Variants in TMSB15B observed in about 807,000 individuals in gnomAD.
TMSB15B encodes the protein thymosin beta 15B.
intron 1 of TMSB15B, among the ~76,000 whole-genome samples, chrX:103,926,519 G>C (rs1556318841): frequency 1.0e-5 from 1 of 97,811 alleles, no homozygotes; most frequent in African/African-American, 3.8e-5. Context: ...GATGGAGCAG[G>C]GGGGATAGGA....
In TMSB15B at chrX:103,928,861, C is replaced by A. The variant is rs1453807606; in HGVS notation, c.-721+9569C>A. 6 of 1,202,878 alleles carry A rather than the reference C, an allele frequency of 5.0e-6. No homozygotes were observed. In the African/African-American group the frequency reaches 1.0e-4, roughly 21 times the overall value. On this transcript the variant is annotated intron_variant, in intron 1 of 3. Coordinates refer to the TMSB15B transcript ENST00000419165. ...CATGCCAAGCCTGTGGGCCTCTGCC[C>A]AGGATGTGTGGAACACTTGGGGCCA... is the stretch of plus-strand genomic sequence containing the variant.
intron 1 of TMSB15B, among the ~76,000 whole-genome samples, chrX:103,937,997 CT>C (rs1209770218): frequency 8.9e-6 from 1 of 111,912 alleles, no homozygotes. Flanking sequence ...GTTTCTTATT[CT>C]TGAGTTCTAA....
intron 1 of TMSB15B, among the ~76,000 whole-genome samples, chrX:103,949,386 A>G (rs1412283273): frequency 8.9e-6 from 1 of 112,283 alleles, no homozygotes; most frequent in Non-Finnish European, 1.9e-5. Flanking sequence ...GCAGAGAGGC[A>G]TGTTAGAAAG....
At chrX:103,953,374 G>A (rs2075043616) in intron 1 of TMSB15B, among the ~76,000 whole-genome samples, 1 of 112,289 alleles carries the variant, frequency 8.9e-6, no homozygotes, top group South Asian at 3.7e-4. Context: ...CAGCAAAGCA[G>A]GATGTTAGAC....
intron 1 of TMSB15B, chrX:103,932,264 G>C (rs1288326991): frequency 1.8e-5 from 2 of 111,734 alleles, no homozygotes; most frequent in African/African-American, 6.5e-5. Context: ...GAACAGTCTT[G>C]TGAGACCTAG....
chrX:103,949,087 G>A (rs782015787), intron 1 of TMSB15B, among the ~76,000 whole-genome samples: 1 of 110,993 alleles, frequency 9.0e-6, no homozygotes, highest in South Asian at 3.9e-4. Context: ...CCTTCCTGGA[G>A]GAACAGACAT....
intron 1 of TMSB15B, among the ~76,000 whole-genome samples, chrX:103,950,714 A>G (rs1311816936): frequency 3.0e-4 from 33 of 110,332 alleles, no homozygotes; most frequent in Admixed American, 2.5e-3. Flanking sequence ...TTTTATATAT[A>G]TGTATACAGT....
chrX:103,919,715 C>T (rs1259068591), intron 1 of TMSB15B, among the ~76,000 whole-genome samples: 2 of 112,400 alleles, frequency 1.8e-5, no homozygotes, highest in Non-Finnish European at 3.8e-5. Flanking sequence ...CAACTTGGGA[C>T]TGCATAGAAT....
intron 1 of TMSB15B, among the ~76,000 whole-genome samples, chrX:103,924,411 A>G (rs1302109801): frequency 8.9e-6 from 1 of 111,900 alleles, no homozygotes; most frequent in Non-Finnish European, 1.9e-5. Flanking sequence ...GGACTGTGTC[A>G]TATGCCCCTT....
At chrX:103,947,498 G>A (rs1406740990) in intron 1 of TMSB15B, among the ~76,000 whole-genome samples, 3 of 111,724 alleles carry the variant, frequency 2.7e-5, no homozygotes, top group Non-Finnish European at 5.6e-5. Context: ...AGATATGTAT[G>A]TATGTATATT....
intron 1 of TMSB15B, among the ~76,000 whole-genome samples, chrX:103,948,714 A>G (rs1483000662): frequency 8.9e-6 from 1 of 112,585 alleles, no homozygotes; most frequent in Non-Finnish European, 1.9e-5. Flanking sequence ...TTACACACAG[A>G]TGTGATCTAA....
chrX:103,941,175 C>T (rs1443347582), intron 1 of TMSB15B, among the ~76,000 whole-genome samples: 1 of 112,067 alleles, frequency 8.9e-6, no homozygotes, highest in Non-Finnish European at 1.9e-5. Context: ...GCCCAGGAGT[C>T]TCGCATTCCT....
chrX:103,940,192 A>G (rs1267707768), intron 1 of TMSB15B, among the ~76,000 whole-genome samples: 1 of 112,358 alleles, frequency 8.9e-6, no homozygotes, highest in Non-Finnish European at 1.9e-5. Flanking sequence ...CTGTGCTGGG[A>G]GATCCACTGC....
At chrX:103,926,480 G>C (rs1207020447) in intron 1 of TMSB15B, among the ~76,000 whole-genome samples, 2 of 60,344 alleles carry the variant, frequency 3.3e-5, no homozygotes, top group African/African-American at 1.3e-4. Flanking sequence ...GATGTAGTGG[G>C]GGGGATAGAA....
intron 1 of TMSB15B, among the ~76,000 whole-genome samples, chrX:103,923,941 A>T (rs1446227092): frequency 1.8e-5 from 2 of 111,756 alleles, no homozygotes; most frequent in African/African-American, 6.5e-5. Flanking sequence ...TTGGATTCCT[A>T]GTATTATCTG....
chrX:103,926,992 C>T (rs1178738887), intron 1 of TMSB15B, among the ~76,000 whole-genome samples: 1 of 110,939 alleles, frequency 9.0e-6, no homozygotes, highest in Non-Finnish European at 1.9e-5. Flanking sequence ...CCCCTCTTTC[C>T]TCCCCGGCAA....
At chrX:103,921,441 A>G (rs1556317782) in intron 1 of TMSB15B, among the ~76,000 whole-genome samples, 2 of 112,230 alleles carry the variant, frequency 1.8e-5, no homozygotes, top group African/African-American at 3.2e-5. Flanking sequence ...ATGGAATCAC[A>G]TAAGACCAAG....
chrX:103,926,504 A>G (rs1327571471), intron 1 of TMSB15B, among the ~76,000 whole-genome samples: 2 of 65,824 alleles, frequency 3.0e-5, no homozygotes, highest in Non-Finnish European at 5.5e-5. Context: ...GATTGAGGGG[A>G]TATGGATGGA....
intron 1 of TMSB15B, among the ~76,000 whole-genome samples, chrX:103,945,777 A>AT (rs1372123676): frequency 2.7e-5 from 3 of 112,617 alleles, no homozygotes; most frequent in Middle Eastern, 9.2e-3. Context: ...ACATTATTCC[A>AT]TATGAGAAGC....
Sources: allele counts gnomAD v4.1 joint callset (sites outside exome capture counted in the v4.1 genomes callset), GRCh38; gene constraint gnomAD v4.1.1; transcripts MANE v1.5; gene names NCBI Gene and HGNC (gene_info 2026-07-23, HGNC 2026-07-21).